Variants in CSMD1 observed in about 807,000 individuals in gnomAD.
CSMD1 encodes the protein CUB and sushi domain-containing protein 1.
CSMD1 carries 213 observed loss-of-function variants against 417.5 expected under a neutral mutation model. That is an observed-to-expected ratio of 0.51 (90% CI 0.46 to 0.57). The LOEUF is 0.57. CSMD1 is among the 20% of genes least tolerant of loss of function. The pLI is 0.00. For synonymous variants in CSMD1, 2,862 were observed against 1,736.8 expected, an observed-to-expected ratio of 1.65 and a Z score of -16.11; for missense variants, 6,923 against 4,529.7, an observed-to-expected ratio of 1.53 and a Z score of -15.17.
At chr8:4,656,275 G>A (rs536861756) in intron 1 of CSMD1, among the ~76,000 whole-genome samples, 2 of 152,138 alleles carry the variant, frequency 1.3e-5, no homozygotes, top group East Asian at 1.9e-4. Context: ...AGAAGCCAGT[G>A]AGCCTAGTGA....
At chr8:3,767,116 G>A (rs12675181) in intron 5 of CSMD1, among the ~76,000 whole-genome samples, 24,587 of 152,204 alleles carry the variant, frequency 0.16, 2,044 homozygotes, top group Admixed American at 0.21. Flanking sequence ...CAGTAGCCGT[G>A]GGGTTCCGCT....
chr8:3,496,355 T>C lies in CSMD1; in HGVS notation c.1345-2629A>G, dbSNP rs532557796. On this transcript the variant is annotated intron_variant, in intron 10 of 69. Transcript: ENST00000635120. ...TGCCCTGCAGAGCTCCCTGTAAGGA[T>C]TGAGGGCAGACACCATGTGGCTTGC... 9.2e-5 allele frequency among the ~76,000 whole-genome samples: 14 copies of C among 152,242 alleles called. No homozygotes were observed. The East Asian group carries it at 2.3e-3, about 25-fold the overall frequency.
chr8:3,723,778 A>T, intron 6 of CSMD1, among the ~76,000 whole-genome samples: 1 of 152,324 alleles, frequency 6.6e-6, no homozygotes. Flanking sequence ...AGAGATGCAT[A>T]AAGTGAACCC....
At chr8:3,497,222 G>A (rs1796403307) in intron 10 of CSMD1, among the ~76,000 whole-genome samples, 2 of 152,080 alleles carry the variant, frequency 1.3e-5, no homozygotes, top group Non-Finnish European at 2.9e-5. Flanking sequence ...TAGATAATCT[G>A]TTCCATGCTG....
At chr8:4,033,507 C>A (rs2130587739) in intron 3 of CSMD1, among the ~76,000 whole-genome samples, 1 of 152,274 alleles carries the variant, frequency 6.6e-6, no homozygotes, top group South Asian at 2.1e-4. Flanking sequence ...GCTCCCACTT[C>A]CAGTTGTCCC....
At chr8:3,287,344 C>T (rs1398930283) in intron 25 of CSMD1, among the ~76,000 whole-genome samples, 1 of 152,098 alleles carries the variant, frequency 6.6e-6, no homozygotes, top group African/African-American at 2.4e-5. Context: ...TGAAGAAAGT[C>T]ATTGGTAACT....
chr8:4,042,784 G>C (rs900692170), intron 3 of CSMD1, among the ~76,000 whole-genome samples: 1 of 127,306 alleles, frequency 7.9e-6, no homozygotes, highest in East Asian at 2.3e-4. Flanking sequence ...CTGTATCTTC[G>C]CTATACAATA....
At chr8:4,324,537 C>T (rs754583412) in intron 3 of CSMD1, among the ~76,000 whole-genome samples, 12 of 152,196 alleles carry the variant, frequency 7.9e-5, no homozygotes, top group Non-Finnish European at 1.3e-4. Context: ...CCAGGAGGTG[C>T]ATTCTGGTGG....
Position 3,824,338 on chromosome 8 carries a change from T to C in CSMD1, c.819-70296A>G, listed in dbSNP as rs375240072. On this transcript the variant is annotated intron_variant, in intron 5 of 69. Coordinates refer to ENST00000635120, the MANE Select transcript of CSMD1 (RefSeq NM_033225.6). ...CTAGGAATACTGAGAGGTTGCCAGATACTATGTGCAAAGTTTGTCAAATGA... is the reference window on the plus strand; with the variant it reads ...CTAGGAATACTGAGAGGTTGCCAGACACTATGTGCAAAGTTTGTCAAATGA... Among the ~76,000 whole-genome samples, 13 of 152,226 alleles carry C rather than the reference T, an allele frequency of 8.5e-5. No individual in the cohort carries two copies. In the South Asian group the frequency reaches 2.7e-3, roughly 32 times the overall value.
intron 2 of CSMD1, among the ~76,000 whole-genome samples, chr8:4,536,800 C>A (rs1373759732): frequency 1.3e-5 from 2 of 152,212 alleles, no homozygotes; most frequent in Non-Finnish European, 2.9e-5. Flanking sequence ...GCACCTGTAT[C>A]ATTTTATTAA....
intron 5 of CSMD1, among the ~76,000 whole-genome samples, chr8:3,897,292 A>G (rs544896765): frequency 4.6e-5 from 7 of 152,316 alleles, no homozygotes; most frequent in African/African-American, 1.7e-4. Flanking sequence ...ATCTACACTT[A>G]AGAGCTGTGT....
intron 5 of CSMD1, among the ~76,000 whole-genome samples, chr8:3,783,715 G>A (rs545096335): frequency 1.3e-5 from 2 of 152,202 alleles, no homozygotes; most frequent in Non-Finnish European, 2.9e-5. Flanking sequence ...CTTTGCTCCT[G>A]AAAGGTCTCA....
intron 3 of CSMD1, among the ~76,000 whole-genome samples, chr8:4,340,662 T>C (rs1226554377): frequency 6.6e-6 from 1 of 152,068 alleles, no homozygotes; most frequent in Non-Finnish European, 1.5e-5. Flanking sequence ...TGAATTATAT[T>C]AACCTAGAGA....
intron 3 of CSMD1, among the ~76,000 whole-genome samples, chr8:4,402,052 T>A (rs1373260273): frequency 6.6e-6 from 1 of 152,142 alleles, no homozygotes; most frequent in Non-Finnish European, 1.5e-5. Flanking sequence ...TCCTGCTAAA[T>A]GGTCCTTCTA....
intron 22 of CSMD1, among the ~76,000 whole-genome samples, chr8:3,345,738 G>A (rs1413754367): frequency 1.3e-5 from 2 of 152,192 alleles, no homozygotes; most frequent in African/African-American, 4.8e-5. Context: ...ATATACTCAA[G>A]GGATGTTGCT....
chr8:3,227,672 AATAC>A (rs962013415), intron 27 of CSMD1, among the ~76,000 whole-genome samples: 11 of 152,326 alleles, frequency 7.2e-5, no homozygotes, highest in Middle Eastern at 3.4e-3. Context: ...ACGAGTAGAA[AATAC>A]ATAGTAACAC....
intron 3 of CSMD1, among the ~76,000 whole-genome samples, chr8:4,407,744 A>G (rs1374723632): frequency 6.6e-6 from 1 of 152,230 alleles, no homozygotes. Context: ...GCATGTAAGC[A>G]TTCCTTTAAA....
intron 10 of CSMD1, among the ~76,000 whole-genome samples, chr8:3,544,803 G>A (rs1162047688): frequency 6.6e-6 from 1 of 152,068 alleles, no homozygotes; most frequent in African/African-American, 2.4e-5. Flanking sequence ...AATGAGAAAA[G>A]ATATGAAGAC....
chr8:4,886,877 G>C (rs1364310146), intron 1 of CSMD1, among the ~76,000 whole-genome samples: 2 of 151,752 alleles, frequency 1.3e-5, no homozygotes, highest in Non-Finnish European at 2.9e-5. Flanking sequence ...TGCTTTAATT[G>C]GAAAGTCTAT....
Sources: allele counts gnomAD v4.1 joint callset (sites outside exome capture counted in the v4.1 genomes callset), GRCh38; gene constraint gnomAD v4.1.1; transcripts MANE v1.5; gene names NCBI Gene and HGNC (gene_info 2026-07-23, HGNC 2026-07-21).